Variants in DKK4 observed in about 807,000 individuals in gnomAD.
DKK4 encodes dickkopf Wnt signaling pathway inhibitor 4, also known as dickkopf-related protein 4.
DKK4 carries 15 observed loss-of-function variants against 14.5 expected under a neutral mutation model. The ratio of observed to expected loss-of-function variants is 1.03; its 90% CI spans 0.69 to 1.59. The LOEUF (loss-of-function observed/expected upper bound fraction) is 1.59, where lower values mean the gene tolerates loss of function less well. Ranked by LOEUF, DKK4 falls within the 40% of genes most tolerant of loss-of-function variation. The pLI is 0.00. For synonymous variants in DKK4, 89 were observed against 105.2 expected (o/e 0.85, Z 0.94); for missense variants, 272 against 280.3 (o/e 0.97, Z 0.21).
chr8:42,374,637 C>G, intron 3 of DKK4, 124 bp downstream of exon 3: 1 of 1,385,302 alleles, frequency 7.2e-7, no homozygotes, highest in Non-Finnish European at 9.9e-7. Context: ...AGATAACAAA[C>G]AGCACATGCT....
chr8:42,375,600 C>G (rs749867697), intron 2 of DKK4, 80 bp downstream of exon 2: 72 of 1,548,156 alleles, frequency 4.7e-5, no homozygotes, highest in Non-Finnish European at 5.9e-5. Context: ...TTAGAGAGTG[C>G]CTACCCTGGA....
the DKK4 span, among the ~76,000 whole-genome samples, chr8:42,384,638 T>C: frequency 6.6e-6 from 1 of 152,092 alleles, no homozygotes; most frequent in Non-Finnish European, 1.5e-5. Flanking sequence ...AGCCTCTCTC[T>C]TGGGGGGCCT....
chr8:42,389,225 G>A, the DKK4 span, among the ~76,000 whole-genome samples: 1 of 152,218 alleles, frequency 6.6e-6, no homozygotes, highest in African/African-American at 2.4e-5. Context: ...TTACAGGAGT[G>A]AGCCATGGCA....
chr8:42,386,747 C>T, the DKK4 span, among the ~76,000 whole-genome samples: 1 of 152,168 alleles, frequency 6.6e-6, no homozygotes, highest in Non-Finnish European at 1.5e-5. Context: ...CCTCAACTTC[C>T]TGAGGTGCTG....
chr8:42,389,759 A>G, the DKK4 span, among the ~76,000 whole-genome samples: 2 of 152,148 alleles, frequency 1.3e-5, no homozygotes, highest in African/African-American at 4.8e-5. Flanking sequence ...ACATTTTATC[A>G]TATTTGCTTT....
At chr8:42,379,370 TATATATATAGAGAGAGAGAGAG>T (rs1205514936), upstream of DKK4, among the ~76,000 whole-genome samples, 57 of 50,936 alleles carry the variant, frequency 1.1e-3, 2 homozygotes, top group African/African-American at 4.6e-3. Flanking sequence ...TATATATATA[TATATATATAGAGAGAGAGAGAG>T]AGAGAGAGAG....
At chr8:42,386,148 G>A in the DKK4 span, among the ~76,000 whole-genome samples, 1 of 152,080 alleles carries the variant, frequency 6.6e-6, no homozygotes, top group African/African-American at 2.4e-5. Context: ...GCCATTCACA[G>A]GCAGGATCAG....
At chr8:42,380,674 G>A (rs1824659210), upstream of DKK4, among the ~76,000 whole-genome samples, 1 of 137,894 alleles carries the variant, frequency 7.3e-6, no homozygotes, top group African/African-American at 2.7e-5. Context: ...AAGGAAGAAA[G>A]AGAAAGAAAA....
chr8:42,379,412 GA>G (rs1563415761), upstream of DKK4, among the ~76,000 whole-genome samples: 21 of 132,312 alleles, frequency 1.6e-4, no homozygotes, highest in African/African-American at 5.6e-4. Flanking sequence ...GAGAGAGAGA[GA>G]GAGAGAGAGA....
rs1408765877 is a variant in DKK4, at chr8:42,376,959, A to G, written c.87T>C (p.Ser29=). 1 of 1,613,802 alleles carries G rather than the reference A, an allele frequency of 6.2e-7. No individual in the cohort carries two copies. The highest frequency in any genetic ancestry group is 1.1e-5 in the South Asian group (1 of 91,072). The change falls in exon 1 of 4, where the codon TCT becomes TCC. Residue 29 remains serine (S), a synonymous_variant. Coordinates refer to ENST00000220812, the MANE Select transcript of DKK4 (RefSeq NM_014420.3). ...CCTTCCGGGCCCCATGCAGGTCAGC[A>G]GAGCTCCTGATGTTGTTGAAGTCCA... ...LVLDFNNIRS[S]ADLHGARKGS... is the part of the protein sequence containing the mutation.
chr8:42,374,359 C>T lies in DKK4; in HGVS notation c.416G>A (p.Gly139Glu). ...PSIKKSQGRK[G>E]QEGESCLRTF... ...TCTCAGACAACTTTCTCCCTCTTGT[C>T]CTGTAACAAGGTTAATGTGGGCTTT... The change falls in exon 4 of 4, where the codon GGA (glycine) becomes GAA (glutamate). Residue 139 changes from glycine (G) to glutamate (E), a missense_variant and splice_region_variant. Coordinates refer to ENST00000220812, the MANE Select transcript of DKK4 (RefSeq NM_014420.3). 6.2e-7 allele frequency: 1 copy of T among 1,613,204 alleles called. No homozygotes were observed. Among genetic ancestry groups the T allele is most frequent in the Non-Finnish European group, 8.5e-7 (1 of 1,179,870 alleles).
upstream of DKK4, among the ~76,000 whole-genome samples, chr8:42,381,844 A>C (rs193290192): frequency 9.2e-4 from 140 of 152,232 alleles, no homozygotes; most frequent in African/African-American, 3.3e-3. Flanking sequence ...CTAAAATACA[A>C]AAATTAGCTG....
At chr8:42,385,840 T>C in the DKK4 span, among the ~76,000 whole-genome samples, 5 of 152,144 alleles carry the variant, frequency 3.3e-5, no homozygotes, top group African/African-American at 1.2e-4. Flanking sequence ...TGTTGGAAAA[T>C]ACAGAAAAGT....
At chr8:42,378,154 T>C (rs1324200781), upstream of DKK4, among the ~76,000 whole-genome samples, 3 of 152,222 alleles carry the variant, frequency 2.0e-5, no homozygotes, top group Admixed American at 2.0e-4. Context: ...CATGTGCTTA[T>C]CACTGTCTTA....
At position 42,377,017 on chromosome 8, in the gene DKK4, C is replaced by G; in HGVS notation, c.29G>C (p.Ser10Thr). The part of the protein sequence containing the change: MVAAVLLGL[S>T]WLCSPLGALV... ...AGCTCCCAGGGGAGAGCAGAGCCAG[C>G]TCAGCCCCAGCAGGACGGCCGCCAC... The change falls in exon 1 of 4, where the codon AGC becomes ACC. Residue 10 changes from serine (S) to threonine (T), a missense_variant. Physicochemically the swap from Ser to Thr is moderately conservative, Grantham distance 58. Transcript: ENST00000220812. The G allele has an allele frequency of 1.2e-6, 2 of 1,613,426 alleles. No homozygotes were observed. Among genetic ancestry groups the G allele is most frequent in the Non-Finnish European group, 1.7e-6 (2 of 1,179,996 alleles).
chr8:42,378,242 TAG>T (rs1208365633), upstream of DKK4, among the ~76,000 whole-genome samples: 3 of 152,204 alleles, frequency 2.0e-5, no homozygotes, highest in African/African-American at 7.2e-5. Flanking sequence ...GCTCTTAGCA[TAG>T]AGTCATCTAA....
chr8:42,375,399 G>A (rs763807133), intron 2 of DKK4, among the ~76,000 whole-genome samples: 7 of 151,818 alleles, frequency 4.6e-5, no homozygotes, highest in Middle Eastern at 3.2e-3. Context: ...AAAATTAGCC[G>A]GGCATGGTGG....
At position 42,374,157 on chromosome 8, in the gene DKK4, C is replaced by A. The variant is rs1490970450; in HGVS notation, c.618G>T (p.Leu206Phe). ...ATCGAGCATGCTGCCGATTGCTGGT[C>A]AATTGGCTTCGACACAGTAGTCCAG... ...CGPGLLCRSQ[L>F]TSNRQHARLR... The change falls in exon 4 of 4, where the codon TTG becomes TTT. Residue 206 changes from leucine to phenylalanine, a missense_variant. Leu to Phe is a conservative substitution (Grantham distance 22, BLOSUM62 0). Transcript: ENST00000220812. 6.2e-7 allele frequency: 1 copy of A among 1,613,288 alleles called. No individual in the cohort carries two copies. The highest frequency in any genetic ancestry group is 2.2e-5 in the East Asian group (1 of 44,892).
At chr8:42,386,798 T>G in the DKK4 span, among the ~76,000 whole-genome samples, 1 of 152,206 alleles carries the variant, frequency 6.6e-6, no homozygotes, top group East Asian at 1.9e-4. Context: ...CAGCCCTTTT[T>G]CTTTAAAGAA....
Sources: gnomAD v4.1 joint callset for allele counts (sites outside exome capture counted in the v4.1 genomes callset) on GRCh38, gnomAD v4.1.1 for gene constraint, MANE v1.5 for transcripts, NCBI Gene and HGNC (gene_info 2026-07-23, HGNC 2026-07-21) for gene names.